ASH1L: variants seen among roughly 807,000 people sequenced by gnomAD.
The protein encoded by ASH1L is ASH1 like histone lysine methyltransferase, also known as histone-lysine N-methyltransferase ASH1L.
Under a neutral mutation model 269.0 loss-of-function variants are expected in ASH1L, and 23 were observed. The observed-to-expected ratio is 0.09, with a 90% confidence interval of 0.06 to 0.12. The LOEUF (loss-of-function observed/expected upper bound fraction) is 0.12, where lower values mean the gene tolerates loss of function less well. ASH1L is among the 10% of genes least tolerant of loss of function. The pLI, the probability that ASH1L is intolerant of heterozygous loss-of-function variation, is 1.00. For missense variants in ASH1L, 2,912 were observed against 3,567.8 expected (o/e 0.82, Z 4.68); for synonymous variants, 1,187 against 1,253.5 (o/e 0.95, Z 1.12).
At chr1:155,492,336 C>T (rs1666864020) in intron 2 of ASH1L, among the ~76,000 whole-genome samples, 1 of 152,182 alleles carries the variant, frequency 6.6e-6, no homozygotes, top group Non-Finnish European at 1.5e-5. Flanking sequence ...AGCCACCACG[C>T]CCAGTCTTGT....
rs146746262 is a variant in ASH1L at position 155,466,959 on chromosome 1, C to CA, written c.4985-7062dup. Among the ~76,000 whole-genome samples the CA allele has an allele frequency of 4.6e-3, 654 of 142,394 alleles. 4 individuals carry two copies. Among genetic ancestry groups the CA allele is most frequent in the African/African-American group, 0.014 (554 of 38,890 alleles). 93.4% of individuals were successfully genotyped at this position (142,394 alleles called of 152,430 possible). ...GCTTGTACAGTGAATATACTTTTTC[C>CA]AAAAAAAAAAGGTTTAAGCCTCACT... On this transcript the variant is annotated intron_variant, in intron 3 of 27. Transcript: ENST00000392403.
chr1:155,474,355 C>A (rs967911274), intron 3 of ASH1L, among the ~76,000 whole-genome samples: 1 of 152,108 alleles, frequency 6.6e-6, no homozygotes, highest in Non-Finnish European at 1.5e-5. Context: ...AGATACCCAA[C>A]GACCTTCTCA....
intron 3 of ASH1L, among the ~76,000 whole-genome samples, chr1:155,477,094 C>T (rs921811244): frequency 3.9e-5 from 6 of 152,184 alleles, no homozygotes; most frequent in African/African-American, 1.4e-4. Context: ...GGTTTATGGA[C>T]TTCCTAGAGT....
chr1:155,479,508 A>T lies in ASH1L; in HGVS notation c.3362T>A (p.Val1121Glu), dbSNP rs1416501226. ...TTCAACAAAACCTGCATCACTACTTACAGGGCTCTGACCTCCACTAGTCCC... is the reference window on the plus strand; with the variant it reads ...TTCAACAAAACCTGCATCACTACTTTCAGGGCTCTGACCTCCACTAGTCCC... ...SSGTSGGQSP[V>E]SSDAGFVEPS... Residue 1121 changes from valine to glutamate, a missense_variant, in exon 3 of 28, where the codon GTA becomes GAA. Physicochemically the swap from Val to Glu is moderately radical, Grantham distance 121. Around this residue, in one of 13 missense-constraint regions of ASH1L, gnomAD observed 157 missense variants for 154.6 expected, o/e 1.02. Transcript: ENST00000392403. 1.5e-5 allele frequency: 25 copies of T among 1,614,078 alleles called. No homozygotes were observed. The highest frequency in any genetic ancestry group is 2.1e-5 in the Non-Finnish European group (25 of 1,180,028).
At chr1:155,339,473 T>C (rs888126652) in intron 25 of ASH1L, 105 bp from the exon 26 acceptor site, 5 of 906,578 alleles carry the variant, frequency 5.5e-6, no homozygotes, top group African/African-American at 5.1e-5. Context: ...AGTAGACAAG[T>C]TGGGTGACTT....
At chr1:155,342,899 G>A (rs1184896516) in intron 24 of ASH1L, 1 of 156,642 alleles carries the variant, frequency 6.4e-6, no homozygotes, top group East Asian at 1.9e-4. Flanking sequence ...AAATATAGTA[G>A]AGCTCTCTGA....
chr1:155,338,944 A>G (rs1396729381), intron 26 of ASH1L, among the ~76,000 whole-genome samples: 1 of 152,200 alleles, frequency 6.6e-6, no homozygotes, highest in East Asian at 1.9e-4. Flanking sequence ...AGCAAAAATA[A>G]AAACTATGAA....
intron 2 of ASH1L, among the ~76,000 whole-genome samples, chr1:155,519,288 T>A (rs1668707799): frequency 1.3e-5 from 2 of 151,808 alleles, no homozygotes; most frequent in African/African-American, 4.8e-5. Flanking sequence ...ATACAAAAAT[T>A]AGCCGGGAAT....
At chr1:155,503,094 G>A (rs986011315) in intron 2 of ASH1L, among the ~76,000 whole-genome samples, 5 of 152,098 alleles carry the variant, frequency 3.3e-5, no homozygotes, top group African/African-American at 9.7e-5. Flanking sequence ...CAAAGACTAG[G>A]CAAGGAACTA....
chr1:155,501,724 G>A (rs1396785617), intron 2 of ASH1L, among the ~76,000 whole-genome samples: 6 of 151,646 alleles, frequency 4.0e-5, no homozygotes, highest in Admixed American at 1.3e-4. Context: ...GCGCAGTGGC[G>A]CAATCTCGGC....
intron 10 of ASH1L, among the ~76,000 whole-genome samples, chr1:155,377,619 CACAA>C (rs1656572053): frequency 6.6e-6 from 1 of 152,024 alleles, no homozygotes; most frequent in Non-Finnish European, 1.5e-5. Context: ...GCCAAAACTT[CACAA>C]ACATTGTTTA....
chr1:155,553,342 T>G (rs1475568242), intron 1 of ASH1L, among the ~76,000 whole-genome samples: 1 of 152,242 alleles, frequency 6.6e-6, no homozygotes, highest in Non-Finnish European at 1.5e-5. Context: ...GACATTAATC[T>G]TTGCTAGAAA....
At chr1:155,445,734 A>G (rs1397312791) in intron 4 of ASH1L, among the ~76,000 whole-genome samples, 1 of 152,198 alleles carries the variant, frequency 6.6e-6, no homozygotes, top group Non-Finnish European at 1.5e-5. Context: ...TGACATCTCA[A>G]CAATAATGAG....
chr1:155,419,227 C>T (rs1306940681), intron 5 of ASH1L, among the ~76,000 whole-genome samples: 2 of 151,410 alleles, frequency 1.3e-5, no homozygotes, highest in African/African-American at 4.9e-5. Context: ...ATAGCAAGAC[C>T]CATTTCTTAA....
intron 2 of ASH1L, among the ~76,000 whole-genome samples, chr1:155,514,376 A>G (rs963571892): frequency 6.6e-6 from 1 of 152,234 alleles, no homozygotes; most frequent in African/African-American, 2.4e-5. Context: ...TAATTGTTAT[A>G]AACTATAAAT....
chr1:155,384,481 GT>G (rs67550672), intron 7 of ASH1L, among the ~76,000 whole-genome samples: 135,553 of 151,322 alleles, frequency 0.9, 61,197 homozygotes, highest in East Asian at 1. Flanking sequence ...AATTGGTGTG[GT>G]TTTTTTTTGT....
chr1:155,527,924 GACCTTT>G (rs962074417), intron 1 of ASH1L, among the ~76,000 whole-genome samples: 1 of 151,872 alleles, frequency 6.6e-6, no homozygotes, highest in Admixed American at 6.6e-5. Flanking sequence ...CTTCCTCCAT[GACCTTT>G]AAATACTGGA....
chr1:155,492,780 A>C (rs1422956796), intron 2 of ASH1L, among the ~76,000 whole-genome samples: 4 of 150,236 alleles, frequency 2.7e-5, no homozygotes, highest in African/African-American at 9.8e-5. Flanking sequence ...GAAATTCTCT[A>C]TTTTATTTAC....
At chr1:155,559,114 C>T (rs1184651127) in intron 1 of ASH1L, among the ~76,000 whole-genome samples, 2 of 152,008 alleles carry the variant, frequency 1.3e-5, no homozygotes, top group Admixed American at 6.6e-5. Flanking sequence ...AAAGTGATTA[C>T]AAGTGAGAGC....
Sources: allele counts gnomAD v4.1 joint callset (sites outside exome capture counted in the v4.1 genomes callset), GRCh38; gene constraint gnomAD v4.1.1; regional missense constraint gnomAD v4.1.1; transcripts MANE v1.5; gene names NCBI Gene and HGNC (gene_info 2026-07-23, HGNC 2026-07-21).